Variants in SORCS1 observed in about 807,000 individuals in gnomAD.
SORCS1 encodes the protein sortilin related VPS10 domain containing receptor 1.
Under a neutral mutation model 146.1 loss-of-function variants are expected in SORCS1, and 60 were observed. That is an observed-to-expected ratio of 0.41 (90% CI 0.33 to 0.51). The LOEUF (loss-of-function observed/expected upper bound fraction) is 0.51, where lower values mean the gene tolerates loss of function less well. Among genes scored for constraint, SORCS1 ranks in the 20% least tolerant of loss-of-function variants. SORCS1 has a pLI of 0.21. For missense variants in SORCS1, 1,352 were observed against 1,487.6 expected (o/e 0.91, Z 1.50); for synonymous variants, 637 against 584.0 (o/e 1.09, Z -1.31).
intron 5 of SORCS1, among the ~76,000 whole-genome samples, chr10:106,730,592 A>C (rs1179659035): frequency 6.6e-6 from 1 of 152,212 alleles, no homozygotes; most frequent in Admixed American, 6.5e-5. Flanking sequence ...ATACAGCAGC[A>C]GTTACAGCAG....
chr10:106,657,704 AAAT>A (rs1433357778), intron 17 of SORCS1, among the ~76,000 whole-genome samples: 2 of 150,734 alleles, frequency 1.3e-5, no homozygotes, highest in Admixed American at 6.6e-5. Flanking sequence ...TTTTTCAAGA[AAAT>A]AAATAAACAC....
intron 1 of SORCS1, among the ~76,000 whole-genome samples, chr10:107,042,687 GC>G (rs1392588793): frequency 6.6e-6 from 1 of 150,382 alleles, no homozygotes. Flanking sequence ...TCGGCTCACT[GC>G]AACCTCCGCC....
intron 1 of SORCS1, among the ~76,000 whole-genome samples, chr10:107,000,303 G>T (rs1010780119): frequency 7.2e-5 from 11 of 152,082 alleles, no homozygotes; most frequent in African/African-American, 2.7e-4. Flanking sequence ...AAGATTTTTA[G>T]GTATGAGTCC....
At chr10:106,730,579 C>T (rs758914554) in intron 5 of SORCS1, among the ~76,000 whole-genome samples, 31 of 152,200 alleles carry the variant, frequency 2.0e-4, no homozygotes, top group Non-Finnish European at 4.0e-4. Flanking sequence ...TGTGACTCAA[C>T]CAATACAGCA....
At chr10:107,088,715 G>A (rs1963953027) in intron 1 of SORCS1, among the ~76,000 whole-genome samples, 1 of 152,184 alleles carries the variant, frequency 6.6e-6, no homozygotes, top group South Asian at 2.1e-4. Context: ...CAGTTAGCAT[G>A]TGTCTCCTAC....
intron 17 of SORCS1, among the ~76,000 whole-genome samples, chr10:106,655,143 C>T (rs1027853187): frequency 5.9e-5 from 9 of 152,168 alleles, no homozygotes; most frequent in African/African-American, 1.7e-4. Flanking sequence ...ACATGAGCCA[C>T]CACGCCTGGC....
At chr10:107,012,341 T>C (rs1285400308) in intron 1 of SORCS1, among the ~76,000 whole-genome samples, 1 of 152,208 alleles carries the variant, frequency 6.6e-6, no homozygotes, top group Non-Finnish European at 1.5e-5. Context: ...GCCAAAGTGC[T>C]GGAGTTGAAC....
At position 106,579,754 on chromosome 10, in the gene SORCS1, G is replaced by C. The variant is rs184062598; in HGVS notation, c.3266-280C>G. Among the ~76,000 whole-genome samples the C allele has an allele frequency of 1.7e-3, 261 of 151,870 alleles. 1 individual carries two copies. Among genetic ancestry groups the C allele is most frequent in the Admixed American group, 2.0e-3 (31 of 15,264 alleles). ...CCACTCTAACTAGCTATGTGGTCTT[G>C]GGCAATTTGCTTCACCTTAATGTAC... On this transcript the variant is annotated intron_variant, in intron 24 of 25. Coordinates refer to ENST00000263054, the MANE Select transcript of SORCS1 (RefSeq NM_052918.5).
intron 2 of SORCS1, among the ~76,000 whole-genome samples, chr10:106,940,892 A>T (rs1954008866): frequency 6.6e-6 from 1 of 152,160 alleles, no homozygotes; most frequent in Non-Finnish European, 1.5e-5. Context: ...CTCAAAAAAT[A>T]ATAATAAAAA....
chr10:107,171,026 C>T, the SORCS1 span, among the ~76,000 whole-genome samples: 1 of 152,164 alleles, frequency 6.6e-6, no homozygotes, highest in Non-Finnish European at 1.5e-5. Flanking sequence ...GTTATATCAC[C>T]TTCCTCATGT....
chr10:106,651,362 AGCACAAT>A (rs773283077), intron 18 of SORCS1, among the ~76,000 whole-genome samples: 13 of 152,150 alleles, frequency 8.5e-5, no homozygotes, highest in Non-Finnish European at 1.5e-4. Flanking sequence ...TTTTTCTTGA[AGCACAAT>A]GCACAATGCA....
At chr10:107,045,970 C>T (rs777587915) in intron 1 of SORCS1, among the ~76,000 whole-genome samples, 3 of 150,948 alleles carry the variant, frequency 2.0e-5, no homozygotes, top group Non-Finnish European at 3.0e-5. Context: ...TTTTTTGAAA[C>T]GGAGTCTTGC....
chr10:107,176,381 A>T, the SORCS1 span, among the ~76,000 whole-genome samples: 4 of 147,436 alleles, frequency 2.7e-5, no homozygotes. Context: ...CCCAGGTTAG[A>T]GTGCAGTGCA....
intron 1 of SORCS1, among the ~76,000 whole-genome samples, chr10:106,990,298 G>A (rs563881744): frequency 1.3e-5 from 2 of 152,146 alleles, no homozygotes; most frequent in Admixed American, 1.3e-4. Context: ...TTGAGATGGA[G>A]TTGCTCTGTT....
In SORCS1 at chr10:106,655,784, A is replaced by G. The variant is rs150291772; in HGVS notation, c.2304-3231T>C. 5.3e-5 allele frequency among the ~76,000 whole-genome samples: 8 copies of G among 152,306 alleles called. No individual in the cohort carries two copies. In the East Asian group the frequency reaches 9.7e-4, roughly 18 times the overall value. Reference sequence around the variant, plus strand: ...TTAGAAGAAAATTGTGCCGTAATACAGAGTTCATTTACTCAAGTAAGCACA... The same window carrying G: ...TTAGAAGAAAATTGTGCCGTAATACGGAGTTCATTTACTCAAGTAAGCACA... On this transcript the variant is annotated intron_variant, in intron 17 of 25. Transcript: ENST00000263054.
chr10:107,090,661 C>T (rs999086978), intron 1 of SORCS1, among the ~76,000 whole-genome samples: 1 of 152,116 alleles, frequency 6.6e-6, no homozygotes, highest in Admixed American at 6.5e-5. Context: ...AGCCTAGATG[C>T]TTAGCTGGGG....
At chr10:106,683,115 T>A (rs1371848266) in intron 10 of SORCS1, among the ~76,000 whole-genome samples, 2 of 152,176 alleles carry the variant, frequency 1.3e-5, no homozygotes, top group African/African-American at 4.8e-5. Flanking sequence ...TTCACTTAAT[T>A]TCAGGGAGTC....
intron 6 of SORCS1, among the ~76,000 whole-genome samples, chr10:106,723,702 C>T (rs1419379848): frequency 1.3e-5 from 2 of 152,182 alleles, no homozygotes; most frequent in Non-Finnish European, 2.9e-5. Flanking sequence ...ACCATAGACT[C>T]TCACAGAACA....
intron 4 of SORCS1, among the ~76,000 whole-genome samples, chr10:106,761,906 T>G (rs41291876): frequency 1.6e-4 from 24 of 152,206 alleles, no homozygotes; most frequent in Admixed American, 2.0e-4. Flanking sequence ...TTGTGAGAAA[T>G]TACATGTCAA....
Sources: gnomAD v4.1 joint callset for allele counts (sites outside exome capture counted in the v4.1 genomes callset) on GRCh38, gnomAD v4.1.1 for gene constraint, MANE v1.5 for transcripts, NCBI Gene and HGNC (gene_info 2026-07-23, HGNC 2026-07-21) for gene names.